Variants in ADGB observed in about 807,000 individuals in gnomAD.
The protein encoded by ADGB is calpain-7-like protein.
In ADGB, 172 loss-of-function variants were observed where a neutral mutation model predicts 210.5. The observed-to-expected ratio is 0.82, with a 90% CI of 0.72 to 0.93. The LOEUF (loss-of-function observed/expected upper bound fraction) is 0.93, where lower values mean the gene tolerates loss of function less well. ADGB is among the 40% of genes least tolerant of loss of function. ADGB has a pLI of 0.00. For synonymous variants in ADGB, 658 were observed against 662.7 expected, an observed-to-expected ratio of 0.99 and a Z score of 0.11; for missense variants, 2,025 against 1,964.8, an observed-to-expected ratio of 1.03 and a Z score of -0.58.
At chr6:146,742,686 T>C (rs1457087026) in intron 25 of ADGB, among the ~76,000 whole-genome samples, 1 of 152,208 alleles carries the variant, frequency 6.6e-6, no homozygotes, top group Non-Finnish European at 1.5e-5. Context: ...ACATCAGACA[T>C]GTATTTACAA....
At chr6:146,768,328 G>A (rs1401263474) in intron 28 of ADGB, among the ~76,000 whole-genome samples, 1 of 152,086 alleles carries the variant, frequency 6.6e-6, no homozygotes, top group Non-Finnish European at 1.5e-5. Context: ...GTGTGTCTTA[G>A]TATTTCCAAA....
chr6:146,669,020 A>G (rs1400851278), intron 7 of ADGB, among the ~76,000 whole-genome samples: 1 of 152,054 alleles, frequency 6.6e-6, no homozygotes, highest in Non-Finnish European at 1.5e-5. Flanking sequence ...GGTCTTTTTC[A>G]TAGTGCAGCA....
intron 9 of ADGB, among the ~76,000 whole-genome samples, chr6:146,683,953 T>C (rs146024369): frequency 1.1e-3 from 174 of 152,244 alleles, no homozygotes; most frequent in African/African-American, 4.2e-3. Flanking sequence ...AAAATACTTT[T>C]ACACGTTATG....
chr6:146,788,977 T>A, intron 33 of ADGB, among the ~76,000 whole-genome samples: 1 of 152,234 alleles, frequency 6.6e-6, no homozygotes, highest in Non-Finnish European at 1.5e-5. Context: ...ATTTCCTTTT[T>A]ACCTTTCATA....
chr6:146,785,822 C>A, intron 32 of ADGB, 110 bp downstream of exon 32: 1 of 801,788 alleles, frequency 1.2e-6, no homozygotes, highest in Non-Finnish European at 2.0e-6. Context: ...ATTTCAGAAT[C>A]TCGTTTCTTG....
intron 16 of ADGB, among the ~76,000 whole-genome samples, chr6:146,718,392 GCT>G (rs1302747465): frequency 6.9e-6 from 1 of 145,088 alleles, no homozygotes; most frequent in Non-Finnish European, 1.5e-5. Context: ...TCCTCTGTAT[GCT>G]CTATGTTTGC....
intron 1 of ADGB, among the ~76,000 whole-genome samples, chr6:146,618,868 T>C (rs1193684876): frequency 3.9e-5 from 6 of 152,074 alleles, no homozygotes; most frequent in Non-Finnish European, 8.8e-5. Context: ...TAGGGCTCTT[T>C]CATCTGGAGT....
intron 5 of ADGB, among the ~76,000 whole-genome samples, chr6:146,657,732 G>C (rs1775804989): frequency 6.6e-6 from 1 of 152,172 alleles, no homozygotes; most frequent in Non-Finnish European, 1.5e-5. Flanking sequence ...GTCCTCTTCT[G>C]GCTTTTGCTG....
At chr6:146,603,530 A>G (rs1275103797) in intron 1 of ADGB, among the ~76,000 whole-genome samples, 1 of 152,202 alleles carries the variant, frequency 6.6e-6, no homozygotes, top group Admixed American at 6.5e-5. Flanking sequence ...TTCCAAAAGG[A>G]CATTCAAACC....
chr6:146,738,357 C>T (rs146404173), intron 23 of ADGB, among the ~76,000 whole-genome samples: 1,728 of 151,882 alleles, frequency 0.011, 19 homozygotes, highest in Middle Eastern at 0.041. Context: ...AAGAACTTCC[C>T]CCAAGTCAAT....
rs910876800 is a variant in ADGB at position 146,700,820 on chromosome 6, T to G, written c.1578-121T>G. 155 of 1,168,966 alleles carry G rather than the reference T, an allele frequency of 1.3e-4. 1 individual carries two copies. Among genetic ancestry groups the G allele is most frequent in the Non-Finnish European group, 1.8e-4 (151 of 846,532 alleles). The allele number at this position is 1,168,966 out of a possible 1,614,324, so 72.4% of individuals were successfully genotyped here. ...AAAAACATTACTGGTAGTAAAAGAATGAGAATGACAAATAGAACACAATCA... is the reference window on the plus strand; with the variant it reads ...AAAAACATTACTGGTAGTAAAAGAAGGAGAATGACAAATAGAACACAATCA... On this transcript the variant is annotated intron_variant, in intron 12 of 35. Transcript: ENST00000397944.
intron 19 of ADGB, among the ~76,000 whole-genome samples, chr6:146,728,371 A>G (rs76605780): frequency 5.2e-3 from 790 of 152,300 alleles, no homozygotes; most frequent in Non-Finnish European, 8.2e-3. Flanking sequence ...TATTCCTCCT[A>G]CAGGTTCCCA....
At chr6:146,770,759 G>A (rs974566490) in intron 29 of ADGB, 4 of 356,236 alleles carry the variant, frequency 1.1e-5, no homozygotes, top group African/African-American at 6.4e-5. Context: ...CCACAGAGTC[G>A]CCGCCTCTTT....
chr6:146,604,385 C>G lies in ADGB; in HGVS notation c.74+5271C>G, dbSNP rs1178048640. Among the ~76,000 whole-genome samples, 2 of 152,198 alleles carry G rather than the reference C, an allele frequency of 1.3e-5. 1 individual carries two copies. The highest frequency in any genetic ancestry group is 4.1e-4 in the South Asian group (2 of 4,824). On this transcript the variant is annotated intron_variant, in intron 1 of 35. Transcript: ENST00000397944. ...TTATGTAATGCAAAATTTTTTAAAT[C>G]TTCGCCGTAATACTTTTGTATTTTG... is the stretch of plus-strand genomic sequence containing the variant.
intron 3 of ADGB, among the ~76,000 whole-genome samples, chr6:146,650,597 CAAAAAAAAAAAAAAAAA>C (rs57913607): frequency 2.5e-4 from 9 of 36,560 alleles, no homozygotes; most frequent in Admixed American, 9.3e-4. Flanking sequence ...TCCCTCCCAC[CAAAAAAAAAAAAAAAAA>C]AAAAAAAAAA....
intron 6 of ADGB, among the ~76,000 whole-genome samples, chr6:146,664,983 G>GC (rs1479272799): frequency 1.3e-5 from 2 of 151,954 alleles, no homozygotes; most frequent in African/African-American, 4.8e-5. Flanking sequence ...TACCATCCTG[G>GC]CCCTAACAAT....
chr6:146,701,043 G>A lies in ADGB; in HGVS notation c.1680G>A (p.Leu560=), dbSNP rs779396235. The part of the protein sequence containing the change: ...DETATHSQTD[L]SQITKATSQG... Reference sequence around the variant, plus strand: ...CTGCAACACATAGCCAGACAGACTTGAGTCAAATAACAAAAGCTACATCTC... The same window carrying A: ...CTGCAACACATAGCCAGACAGACTTAAGTCAAATAACAAAAGCTACATCTC... The change falls in exon 13 of 36, where the codon TTG becomes TTA. Residue 560 remains leucine (L), a synonymous_variant. Coordinates refer to ENST00000397944, the MANE Select transcript of ADGB (RefSeq NM_024694.4). The A allele has an allele frequency of 5.2e-6, 8 of 1,550,658 alleles. No homozygotes were observed. The Admixed American group carries it at 1.2e-4, about 23-fold the overall frequency.
chr6:146,634,305 G>A (rs188417221), intron 1 of ADGB, among the ~76,000 whole-genome samples: 9 of 152,132 alleles, frequency 5.9e-5, no homozygotes, highest in Admixed American at 3.9e-4. Flanking sequence ...GCCTAGCAAC[G>A]GATATCTTAG....
chr6:146,770,553 G>A (rs1217570310), intron 29 of ADGB: 7 of 468,690 alleles, frequency 1.5e-5, no homozygotes, highest in Non-Finnish European at 2.7e-5. Context: ...ACTAGTGGGA[G>A]ATGTCAATAA....
Sources: allele counts gnomAD v4.1 joint callset (sites outside exome capture counted in the v4.1 genomes callset), GRCh38; gene constraint gnomAD v4.1.1; transcripts MANE v1.5; gene names NCBI Gene and HGNC (gene_info 2026-07-23, HGNC 2026-07-21).